The following CNTN4 variants were observed in gnomAD, a reference collection of about 807,000 sequenced individuals.
CNTN4 encodes the protein contactin 4, also known as contactin-4.
A neutral mutation model predicts 122.5 loss-of-function variants in CNTN4; 77 were observed. That is an observed-to-expected ratio of 0.63 (90% CI 0.52 to 0.76). The LOEUF (loss-of-function observed/expected upper bound fraction) is 0.76. Among genes scored for constraint, CNTN4 ranks in the 30% least tolerant of loss-of-function variants. CNTN4 has a pLI of 0.00. For missense variants in CNTN4, 1,256 were observed against 1,259.1 expected, an observed-to-expected ratio of 1.00 and a Z score of 0.04; for synonymous variants, 512 against 447.0, an observed-to-expected ratio of 1.15 and a Z score of -1.83.
chr3:2,367,114 A>G (rs923349084), intron 3 of CNTN4, among the ~76,000 whole-genome samples: 2 of 152,078 alleles, frequency 1.3e-5, no homozygotes, highest in African/African-American at 4.8e-5. Flanking sequence ...GTATGAGTAC[A>G]GAAATGGTAT....
intron 4 of CNTN4, among the ~76,000 whole-genome samples, chr3:2,725,326 C>A (rs1266105272): frequency 1.3e-5 from 2 of 152,132 alleles, no homozygotes; most frequent in African/African-American, 2.4e-5. Flanking sequence ...TATGCCTGCA[C>A]CCCGTCCCCA....
At chr3:2,692,805 A>G (rs1412492331) in intron 4 of CNTN4, among the ~76,000 whole-genome samples, 1 of 152,000 alleles carries the variant, frequency 6.6e-6, no homozygotes, top group Non-Finnish European at 1.5e-5. Context: ...TGAACAAAAG[A>G]CCTCTCATTT....
At chr3:2,419,332 A>T (rs2047533052) in intron 3 of CNTN4, among the ~76,000 whole-genome samples, 1 of 152,160 alleles carries the variant, frequency 6.6e-6, no homozygotes, top group Non-Finnish European at 1.5e-5. Context: ...GTTTTTAGGA[A>T]TAGAGTTAAT....
At chr3:2,441,541 A>G (rs1220656100) in intron 3 of CNTN4, among the ~76,000 whole-genome samples, 1 of 152,236 alleles carries the variant, frequency 6.6e-6, no homozygotes, top group Non-Finnish European at 1.5e-5. Flanking sequence ...TATTCTGCAG[A>G]GTAGCAGGTA....
At chr3:2,434,072 T>A (rs2048174812) in intron 3 of CNTN4, among the ~76,000 whole-genome samples, 1 of 152,140 alleles carries the variant, frequency 6.6e-6, no homozygotes, top group African/African-American at 2.4e-5. Flanking sequence ...AGGAATAAGC[T>A]TTGGTGATCT....
intron 4 of CNTN4, among the ~76,000 whole-genome samples, chr3:2,672,890 G>T (rs1195878988): frequency 6.6e-6 from 1 of 152,202 alleles, no homozygotes; most frequent in Non-Finnish European, 1.5e-5. Context: ...TGGGGATTAA[G>T]AATCTGTCCT....
chr3:2,558,949 C>T lies in CNTN4; in HGVS notation c.-88-12467C>T, dbSNP rs2078834112. 2.6e-5 allele frequency among the ~76,000 whole-genome samples: 4 copies of T among 152,152 alleles called. No homozygotes were observed. In the South Asian group the frequency reaches 8.3e-4, roughly 32 times the overall value. On this transcript the variant is annotated intron_variant, in intron 3 of 24. Coordinates refer to ENST00000418658, the MANE Select transcript of CNTN4 (RefSeq NM_175607.3). ...CATTTCACACCCAGAACTACAGAGA[C>T]ATCTGTTATATATGTGACAGGCCAG...
At chr3:2,518,636 G>C (rs2077108252) in intron 3 of CNTN4, among the ~76,000 whole-genome samples, 1 of 152,048 alleles carries the variant, frequency 6.6e-6, no homozygotes, top group South Asian at 2.1e-4. Flanking sequence ...ATATGTTAAA[G>C]ATAAAAAATA....
chr3:3,021,298 C>A (rs1452601682), intron 14 of CNTN4, among the ~76,000 whole-genome samples: 1 of 152,066 alleles, frequency 6.6e-6, no homozygotes, highest in African/African-American at 2.4e-5. Context: ...AAAAATGGTG[C>A]CAACTATAGA....
chr3:2,157,568 C>G (rs1434316080), intron 2 of CNTN4, among the ~76,000 whole-genome samples: 1 of 152,124 alleles, frequency 6.6e-6, no homozygotes, highest in Non-Finnish European at 1.5e-5. Flanking sequence ...TTTACTGTTA[C>G]TATCTGGGTG....
intron 6 of CNTN4, among the ~76,000 whole-genome samples, chr3:2,791,708 T>C (rs2092018264): frequency 6.6e-6 from 1 of 152,152 alleles, no homozygotes. Flanking sequence ...CTTTTACGGT[T>C]CTAGAGACTA....
intron 6 of CNTN4, among the ~76,000 whole-genome samples, chr3:2,761,570 A>G (rs192591165): frequency 6.8e-4 from 104 of 151,990 alleles, no homozygotes; most frequent in African/African-American, 2.4e-3. Flanking sequence ...TCTAGTATTT[A>G]TTATGCTATA....
intron 6 of CNTN4, among the ~76,000 whole-genome samples, chr3:2,794,933 A>T (rs1351109990): frequency 1.3e-5 from 2 of 152,078 alleles, no homozygotes; most frequent in Non-Finnish European, 1.5e-5. Flanking sequence ...CCCCATGCTC[A>T]TGATCTAATC....
At chr3:2,125,450 C>G (rs974373349) in intron 2 of CNTN4, among the ~76,000 whole-genome samples, 1 of 151,370 alleles carries the variant, frequency 6.6e-6, no homozygotes, top group East Asian at 1.9e-4. Context: ...TAAGTAAACT[C>G]CAATGATCAT....
intron 3 of CNTN4, among the ~76,000 whole-genome samples, chr3:2,366,099 T>A (rs2045365547): frequency 6.6e-6 from 1 of 152,184 alleles, no homozygotes; most frequent in African/African-American, 2.4e-5. Context: ...TTACATGATA[T>A]TTTCAGCTTG....
At chr3:2,877,803 A>G (rs1433181490) in intron 8 of CNTN4, among the ~76,000 whole-genome samples, 1 of 152,214 alleles carries the variant, frequency 6.6e-6, no homozygotes. Context: ...ATGACTTGAT[A>G]AATGCACTCT....
At chr3:2,428,253 G>A (rs1452888717) in intron 3 of CNTN4, among the ~76,000 whole-genome samples, 1 of 152,168 alleles carries the variant, frequency 6.6e-6, no homozygotes, top group Admixed American at 6.5e-5. Context: ...AGGAGCTCTT[G>A]TAAGGCAGGC....
intron 2 of CNTN4, among the ~76,000 whole-genome samples, chr3:2,297,569 C>T (rs76699313): frequency 0.096 from 14,568 of 152,132 alleles, 793 homozygotes; most frequent in Middle Eastern, 0.14. Context: ...TTAATCCCCA[C>T]GCATTTTAGA....
At chr3:2,199,359 C>G (rs535454676) in intron 2 of CNTN4, among the ~76,000 whole-genome samples, 1 of 148,470 alleles carries the variant, frequency 6.7e-6, no homozygotes, top group South Asian at 2.2e-4. Flanking sequence ...GTGTGTGACT[C>G]TCTTTTTGAT....
Sources: gnomAD v4.1 joint callset for allele counts (sites outside exome capture counted in the v4.1 genomes callset) on GRCh38, gnomAD v4.1.1 for gene constraint, MANE v1.5 for transcripts, NCBI Gene and HGNC (gene_info 2026-07-23, HGNC 2026-07-21) for gene names.